NFKB1: variants seen among roughly 807,000 people sequenced by gnomAD.
NFKB1 encodes nuclear factor NF-kappa-B p105 subunit.
NFKB1 carries 9 observed loss-of-function variants against 105.1 expected under a neutral mutation model. That is an observed-to-expected ratio of 0.09 (90% CI 0.05 to 0.15). The LOEUF (loss-of-function observed/expected upper bound fraction) is 0.15. NFKB1 is among the 10% of genes least tolerant of loss of function. The pLI is 1.00. For synonymous variants in NFKB1, 440 were observed against 442.2 expected, an observed-to-expected ratio of 1.00 and a Z score of 0.06; for missense variants, 830 against 1,203.7, an observed-to-expected ratio of 0.69 and a Z score of 4.59.
At chr4:102,551,365 T>TGTGTATGCGC (rs1722574356) in intron 5 of NFKB1, among the ~76,000 whole-genome samples, 1 of 127,542 alleles carries the variant, frequency 7.8e-6, no homozygotes, top group African/African-American at 3.7e-5. Context: ...TGTGTGTGTG[T>TGTGTATGCGC]GTGCGCGCGC....
chr4:102,510,956 T>G, intron 1 of NFKB1: 1 of 1,282,618 alleles, frequency 7.8e-7, no homozygotes, highest in Non-Finnish European at 1.0e-6. Flanking sequence ...CCAGGTAAAC[T>G]AAAAAGAAAA....
At position 102,580,539 on chromosome 4, in the gene NFKB1, C is replaced by A. The variant is rs1166569482; in HGVS notation, c.735C>A (p.Ala245=). The A allele has an allele frequency of 6.2e-7, 1 of 1,613,440 alleles. No homozygotes were observed. The highest frequency in any genetic ancestry group is 2.2e-5 in the East Asian group (1 of 44,882). ...VVSDAIYDSK[A]PNASNLKIVR... is the part of the protein sequence containing the mutation. ...TTGTTTTTCCCCTGTGAACAGAAGC[C>A]CCCAATGCATCCAACTTGAAAATTG... Residue 245 remains alanine, a synonymous_variant, in exon 9 of 24, where the codon GCC becomes GCA. Coordinates refer to ENST00000226574, the MANE Select transcript of NFKB1 (RefSeq NM_003998.4).
intron 23 of NFKB1, 46 bp downstream of exon 23, chr4:102,613,627 C>G (rs1200890070): frequency 6.3e-7 from 1 of 1,580,412 alleles, no homozygotes; most frequent in Non-Finnish European, 8.6e-7. Context: ...CCAGCTCCCC[C>G]AGGCTGGTGT....
intron 20 of NFKB1, 69 bp downstream of exon 20, chr4:102,610,768 A>G: frequency 6.4e-7 from 1 of 1,559,842 alleles, no homozygotes; most frequent in Non-Finnish European, 8.7e-7. Flanking sequence ...GTAAGAACAG[A>G]TGGTCTTCCT....
chr4:102,557,685 G>A (rs1056961768), intron 5 of NFKB1, among the ~76,000 whole-genome samples: 1 of 152,300 alleles, frequency 6.6e-6, no homozygotes, highest in Admixed American at 6.5e-5. Context: ...TCTGAGTCTG[G>A]TGCCAAGACT....
intron 2 of NFKB1, among the ~76,000 whole-genome samples, chr4:102,527,814 A>G (rs1445407414): frequency 6.6e-6 from 1 of 152,130 alleles, no homozygotes; most frequent in Non-Finnish European, 1.5e-5. Flanking sequence ...ATTTTAAACC[A>G]TCCTTTCCTG....
chr4:102,514,131 C>T (rs1283299947), intron 1 of NFKB1, among the ~76,000 whole-genome samples: 4 of 151,368 alleles, frequency 2.6e-5, no homozygotes, highest in African/African-American at 9.7e-5. Flanking sequence ...GCCGAGATGG[C>T]GCCACTGCAC....
intron 5 of NFKB1, among the ~76,000 whole-genome samples, chr4:102,551,122 G>C (rs113598102): frequency 1.3e-5 from 2 of 152,216 alleles, no homozygotes; most frequent in African/African-American, 4.8e-5. Context: ...AAGACTTCTT[G>C]GCCTTCCTAC....
intron 2 of NFKB1, among the ~76,000 whole-genome samples, chr4:102,527,064 G>A (rs1740966294): frequency 6.6e-6 from 1 of 152,054 alleles, no homozygotes; most frequent in Non-Finnish European, 1.5e-5. Context: ...TTAAAACATG[G>A]AGATTTGTTC....
At chr4:102,547,953 G>A (rs530615469) in intron 5 of NFKB1, among the ~76,000 whole-genome samples, 7 of 152,186 alleles carry the variant, frequency 4.6e-5, no homozygotes, top group African/African-American at 1.7e-4. Context: ...TTAAATTCTT[G>A]TTAGGCTCCT....
At chr4:102,525,627 A>T (rs1036506451) in intron 2 of NFKB1, 70 bp downstream of exon 2, 36 of 1,365,554 alleles carry the variant, frequency 2.6e-5, no homozygotes, top group Non-Finnish European at 3.6e-5. Flanking sequence ...CAAAGGCAAC[A>T]TTAGTAAGTT....
chr4:102,533,096 G>A (rs758772263), intron 3 of NFKB1, among the ~76,000 whole-genome samples: 4 of 152,112 alleles, frequency 2.6e-5, no homozygotes, highest in Non-Finnish European at 4.4e-5. Context: ...TTTATAAAAT[G>A]CCTGAGATGT....
intron 4 of NFKB1, among the ~76,000 whole-genome samples, chr4:102,536,442 G>T (rs2149126353): frequency 6.6e-6 from 1 of 152,180 alleles, no homozygotes; most frequent in South Asian, 2.1e-4. Flanking sequence ...TTACTTATCT[G>T]GTAAATGTGT....
In NFKB1 at chr4:102,579,967, T is replaced by A. The variant is rs4648030; in HGVS notation, c.731-568T>A. 2.5e-3 allele frequency among the ~76,000 whole-genome samples: 385 copies of A among 151,554 alleles called. 1 individual carries two copies. The highest frequency in any genetic ancestry group is 8.7e-3 in the African/African-American group (358 of 41,276). On this transcript the variant is annotated intron_variant, in intron 8 of 23. Coordinates refer to ENST00000226574, the MANE Select transcript of NFKB1 (RefSeq NM_003998.4). ...GCAGAATCACCTTAAAATGCAGCTG[T>A]TGGAGAAAAAAAAAAAGGAAGCTTT...
rs746125498 is a variant in NFKB1 at position 102,612,564 on chromosome 4, G to A, written c.2550G>A (p.Arg850=). 1 of 1,613,776 alleles carries A rather than the reference G, an allele frequency of 6.2e-7. No homozygotes were observed. The highest frequency in any genetic ancestry group is 1.1e-5 in the South Asian group (1 of 91,064). ...LGLGILNNAF[R]LSPAPSKTLM... ...TGGGGATACTTAATAATGCCTTCCG[G>A]CTGAGTCCTGCTCCTTCCAAAACAC... Residue 850 remains arginine, a synonymous_variant, in exon 22 of 24, where the codon CGG becomes CGA. Coordinates refer to ENST00000226574, the MANE Select transcript of NFKB1 (RefSeq NM_003998.4).
At chr4:102,606,771 G>A (rs956882935) in intron 17 of NFKB1, 74 bp downstream of exon 17, 44 of 1,467,610 alleles carry the variant, frequency 3.0e-5, no homozygotes, top group Non-Finnish European at 3.7e-5. Context: ...TGATAAACGT[G>A]TGTTATTTGA....
At position 102,616,737 on chromosome 4, in the gene NFKB1, C is replaced by A; in HGVS notation, c.*143C>A. Reference sequence around the variant, plus strand: ...TTCTCGATTTAACTCGAGACCTTTTCAACTTGGCTTCCTTTCTTGGTTCAT... The same window carrying A: ...TTCTCGATTTAACTCGAGACCTTTTAAACTTGGCTTCCTTTCTTGGTTCAT... On this transcript the variant is annotated 3_prime_UTR_variant, in exon 24 of 24. Coordinates refer to ENST00000226574, the MANE Select transcript of NFKB1 (RefSeq NM_003998.4). 2 of 817,422 alleles carry A rather than the reference C, an allele frequency of 2.4e-6. No homozygotes were observed. The highest frequency in any genetic ancestry group is 3.7e-6 in the Non-Finnish European group (2 of 540,574). 50.6% of individuals were successfully genotyped at this position (817,422 alleles called of 1,614,324 possible).
intron 16 of NFKB1, among the ~76,000 whole-genome samples, chr4:102,602,546 A>G (rs1727266480): frequency 6.6e-6 from 1 of 152,072 alleles, no homozygotes; most frequent in African/African-American, 2.4e-5. Flanking sequence ...CTCAAAAAAA[A>G]AAAAAAAAGT....
chr4:102,518,998 A>G (rs1467936204), intron 1 of NFKB1, among the ~76,000 whole-genome samples: 3 of 152,194 alleles, frequency 2.0e-5, no homozygotes, highest in African/African-American at 7.2e-5. Flanking sequence ...GACTCAAAGC[A>G]CAGAGAAATA....
Sources: gnomAD v4.1 joint callset for allele counts (sites outside exome capture counted in the v4.1 genomes callset) on GRCh38, gnomAD v4.1.1 for gene constraint, MANE v1.5 for transcripts, NCBI Gene and HGNC (gene_info 2026-07-23, HGNC 2026-07-21) for gene names.